Variants in BICC1 observed in about 807,000 individuals in gnomAD.
BICC1 encodes the protein protein bicaudal C homolog 1.
A neutral mutation model predicts 111.0 loss-of-function variants in BICC1; 43 were observed. The ratio of observed to expected loss-of-function variants is 0.39; its 90% CI spans 0.30 to 0.50. The LOEUF is 0.50. BICC1 is among the 20% of genes least tolerant of loss of function. The probability of loss-of-function intolerance (pLI) is 0.88; values close to 1 mark genes in which losing one functional copy is unlikely to be tolerated. For missense variants in BICC1, 1,091 were observed against 1,203.2 expected, an observed-to-expected ratio of 0.91 and a Z score of 1.38; for synonymous variants, 467 against 434.4, an observed-to-expected ratio of 1.07 and a Z score of -0.93.
chr10:58,755,238 G>C (rs149083801), intron 3 of BICC1, among the ~76,000 whole-genome samples: 1 of 152,108 alleles, frequency 6.6e-6, no homozygotes, highest in Non-Finnish European at 1.5e-5. Flanking sequence ...GGTTTGATTT[G>C]GAATTTTAAC....
intron 1 of BICC1, among the ~76,000 whole-genome samples, chr10:58,516,335 C>T (rs981054593): frequency 7.9e-5 from 12 of 152,034 alleles, no homozygotes; most frequent in Non-Finnish European, 1.5e-4. Flanking sequence ...AATTCTTCTA[C>T]GCAATGGACC....
At chr10:58,675,752 C>G (rs1373978345) in intron 2 of BICC1, among the ~76,000 whole-genome samples, 2 of 152,090 alleles carry the variant, frequency 1.3e-5, no homozygotes, top group Non-Finnish European at 1.5e-5. Context: ...AAACATATAC[C>G]AAATCATTAT....
intron 3 of BICC1, among the ~76,000 whole-genome samples, chr10:58,726,880 G>A (rs1841123621): frequency 6.6e-6 from 1 of 152,188 alleles, no homozygotes; most frequent in South Asian, 2.1e-4. Flanking sequence ...TTACCACAGT[G>A]AAATTCAGAC....
At chr10:58,704,283 A>G (rs1274515367) in intron 3 of BICC1, among the ~76,000 whole-genome samples, 4 of 152,168 alleles carry the variant, frequency 2.6e-5, no homozygotes, top group African/African-American at 9.6e-5. Context: ...AGTGTTATGG[A>G]TGTATATAGT....
At chr10:58,826,625 G>A (rs566191802) in intron 20 of BICC1, among the ~76,000 whole-genome samples, 385 of 26,458 alleles carry the variant, frequency 0.015, 2 homozygotes, top group Middle Eastern at 0.029. Flanking sequence ...CAGGTGTGGT[G>A]GTGGGCACCT....
chr10:58,764,249 GA>G (rs1045450091), intron 3 of BICC1, among the ~76,000 whole-genome samples: 29 of 152,172 alleles, frequency 1.9e-4, no homozygotes, highest in Non-Finnish European at 4.1e-4. Context: ...AACTAGACAT[GA>G]CAGTGAATTG....
intron 4 of BICC1, among the ~76,000 whole-genome samples, chr10:58,786,367 T>C (rs1395795557): frequency 6.6e-6 from 1 of 152,196 alleles, no homozygotes; most frequent in African/African-American, 2.4e-5. Context: ...TTATGATCTC[T>C]TTCTCCCTTC....
intron 18 of BICC1, 93 bp from the exon 19 acceptor site, chr10:58,817,469 G>A (rs2132956610): frequency 7.3e-7 from 1 of 1,371,308 alleles, no homozygotes; most frequent in Non-Finnish European, 1.0e-6. Context: ...CTGAACAATG[G>A]AAGTTGAAAT....
At chr10:58,801,235 A>G (rs904204940) in intron 14 of BICC1, among the ~76,000 whole-genome samples, 189 bp downstream of exon 14, 2 of 152,144 alleles carry the variant, frequency 1.3e-5, no homozygotes, top group Non-Finnish European at 2.9e-5. Flanking sequence ...TGTCTTCTCT[A>G]TAGTCCCTTC....
At chr10:58,517,567 CAG>C (rs1842275561) in intron 1 of BICC1, among the ~76,000 whole-genome samples, 2 of 152,118 alleles carry the variant, frequency 1.3e-5, no homozygotes, top group South Asian at 2.1e-4. Flanking sequence ...CTTAAATAAA[CAG>C]AGTTTTCTAG....
intron 20 of BICC1, chr10:58,824,146 G>A: frequency 1.0e-6 from 1 of 963,404 alleles, no homozygotes. Flanking sequence ...GCCTTGGTTG[G>A]TCTTCTCTGT....
At position 58,564,927 on chromosome 10, in the gene BICC1, A is replaced by G. The variant is rs1386396201; in HGVS notation, c.190+51594A>G. ...TATAATATTGGTATTAAAGAGGAAT[A>G]GGAAAGAAGGAATTACTCAAGAATA... On this transcript the variant is annotated intron_variant, in intron 1 of 20. Transcript: ENST00000373886. Among the ~76,000 whole-genome samples, 2 of 152,328 alleles carry G rather than the reference A, an allele frequency of 1.3e-5. 1 individual carries two copies. The highest frequency in any genetic ancestry group is 6.8e-3 in the Middle Eastern group (2 of 294).
chr10:58,702,566 C>T (rs1840271058), intron 3 of BICC1, among the ~76,000 whole-genome samples: 1 of 151,690 alleles, frequency 6.6e-6, no homozygotes, highest in Non-Finnish European at 1.5e-5. Context: ...GTCTCGAGTG[C>T]TGCTTGTCTT....
At position 58,799,451 on chromosome 10, in the gene BICC1, T is replaced by G. The variant is rs191586095; in HGVS notation, c.1725+199T>G. Among the ~76,000 whole-genome samples, 244 of 152,266 alleles carry G rather than the reference T, an allele frequency of 1.6e-3. 1 individual carries two copies. The highest frequency in any genetic ancestry group is 5.5e-3 in the African/African-American group (230 of 41,572). Reference sequence around the variant, plus strand: ...ATTTTTTTCAACTTTTATTTTAGGTTTAGGGGGCACATATGCAGGTTTGTT... The same window carrying G: ...ATTTTTTTCAACTTTTATTTTAGGTGTAGGGGGCACATATGCAGGTTTGTT... On this transcript the variant is annotated intron_variant, in intron 12 of 20. Coordinates refer to ENST00000373886, the MANE Select transcript of BICC1 (RefSeq NM_001080512.3).
chr10:58,557,972 A>G (rs1843499925), intron 1 of BICC1, among the ~76,000 whole-genome samples: 1 of 152,082 alleles, frequency 6.6e-6, no homozygotes. Flanking sequence ...CAGTTAAATC[A>G]CTTGGAAAGA....
At chr10:58,656,537 G>A (rs1838657999) in intron 2 of BICC1, among the ~76,000 whole-genome samples, 1 of 149,962 alleles carries the variant, frequency 6.7e-6, no homozygotes, top group African/African-American at 2.5e-5. Flanking sequence ...ATGCAAGGCT[G>A]GTTCAATATA....
At chr10:58,768,724 C>T (rs775441457) in intron 3 of BICC1, among the ~76,000 whole-genome samples, 13 of 151,892 alleles carry the variant, frequency 8.6e-5, no homozygotes, top group Non-Finnish European at 1.9e-4. Flanking sequence ...TGTAGAGTTA[C>T]CAGCTTCAAA....
chr10:58,598,614 A>G (rs1588910558), intron 1 of BICC1, among the ~76,000 whole-genome samples: 1 of 152,306 alleles, frequency 6.6e-6, no homozygotes, highest in African/African-American at 2.4e-5. Flanking sequence ...CTTCATGACT[A>G]AAACACCAAA....
At chr10:58,697,892 C>T (rs1840111606) in intron 2 of BICC1, among the ~76,000 whole-genome samples, 1 of 151,948 alleles carries the variant, frequency 6.6e-6, no homozygotes, top group African/African-American at 2.4e-5. Context: ...CCACCCACAC[C>T]CCCTGTAGAG....
Sources: allele counts gnomAD v4.1 joint callset (sites outside exome capture counted in the v4.1 genomes callset), GRCh38; gene constraint gnomAD v4.1.1; transcripts MANE v1.5; gene names NCBI Gene and HGNC (gene_info 2026-07-23, HGNC 2026-07-21).